Variants in PRKG1 observed in about 807,000 individuals in gnomAD.
PRKG1 encodes the protein cGMP-dependent protein kinase 1.
In PRKG1, 35 loss-of-function variants were observed where a neutral mutation model predicts 88.1. The observed-to-expected ratio is 0.40, with a 90% CI of 0.30 to 0.53. PRKG1 has a LOEUF of 0.53. Ranked by LOEUF, PRKG1 falls within the 20% of genes least tolerant of loss-of-function variation. The pLI, the probability that PRKG1 is intolerant of heterozygous loss-of-function variation, is 0.59. For synonymous variants in PRKG1, 303 were observed against 292.5 expected (o/e 1.04, Z -0.37); for missense variants, 540 against 839.8 (o/e 0.64, Z 4.41).
At chr10:51,872,726 T>A (rs564888419) in intron 4 of PRKG1, among the ~76,000 whole-genome samples, 1 of 152,296 alleles carries the variant, frequency 6.6e-6, no homozygotes, top group African/African-American at 2.4e-5. Context: ...CATTAATCAT[T>A]GTATTCCTCA....
chr10:51,144,645 A>T (rs982429115), intron 1 of PRKG1, among the ~76,000 whole-genome samples: 3 of 152,164 alleles, frequency 2.0e-5, no homozygotes, highest in Admixed American at 1.3e-4. Flanking sequence ...TTAAACTTTT[A>T]GTTATTTTCA....
intron 5 of PRKG1, among the ~76,000 whole-genome samples, chr10:51,956,425 C>T (rs1199871432): frequency 2.0e-5 from 3 of 151,562 alleles, no homozygotes; most frequent in Admixed American, 6.6e-5. Flanking sequence ...TGAATAGTAA[C>T]AATAAAACAA....
intron 3 of PRKG1, among the ~76,000 whole-genome samples, chr10:51,717,384 G>T (rs1841911598): frequency 6.6e-6 from 1 of 152,214 alleles, no homozygotes; most frequent in Non-Finnish European, 1.5e-5. Flanking sequence ...AAAGCTAGGG[G>T]ATGCAGAGCC....
chr10:51,608,492 TC>T (rs1414702956), intron 3 of PRKG1, among the ~76,000 whole-genome samples: 3 of 152,220 alleles, frequency 2.0e-5, no homozygotes, highest in Non-Finnish European at 4.4e-5. Context: ...TGTCAGCTGT[TC>T]TGCTGGAATT....
At chr10:51,869,470 A>C (rs139742937) in intron 4 of PRKG1, among the ~76,000 whole-genome samples, 155 of 152,222 alleles carry the variant, frequency 1.0e-3, no homozygotes, top group Admixed American at 2.7e-3. Flanking sequence ...AACTTCCATA[A>C]GGGAAAATGG....
At chr10:51,290,254 A>G (rs922822920) in intron 2 of PRKG1, among the ~76,000 whole-genome samples, 1 of 152,122 alleles carries the variant, frequency 6.6e-6, no homozygotes, top group Admixed American at 6.6e-5. Context: ...AACAAACAAA[A>G]AAAAAGACGA....
intron 3 of PRKG1, among the ~76,000 whole-genome samples, chr10:51,548,857 T>C (rs1390764614): frequency 1.3e-5 from 2 of 152,082 alleles, no homozygotes; most frequent in Non-Finnish European, 2.9e-5. Context: ...CTTAGTTAGA[T>C]CTTGTATGAA....
rs537206259 is a variant in PRKG1, at chr10:51,228,692, A to G, written c.478+75362A>G. 2.0e-5 allele frequency among the ~76,000 whole-genome samples: 3 copies of G among 152,336 alleles called. No individual in the cohort carries two copies. The East Asian group carries it at 5.8e-4, about 29-fold the overall frequency. On this transcript the variant is annotated intron_variant, in intron 2 of 17. Coordinates refer to ENST00000373980, the MANE Select transcript of PRKG1 (RefSeq NM_006258.4). Reference sequence around the variant, plus strand: ...TAGAAAAGTTGCTGCTTTCAATTGCATGTACGATGTACATTTAATATACTG... The same window carrying G: ...TAGAAAAGTTGCTGCTTTCAATTGCGTGTACGATGTACATTTAATATACTG...
At chr10:52,032,346 T>A (rs974469834) in intron 5 of PRKG1, among the ~76,000 whole-genome samples, 3 of 152,210 alleles carry the variant, frequency 2.0e-5, no homozygotes, top group Non-Finnish European at 4.4e-5. Flanking sequence ...AAAGTTTACC[T>A]GCTGGGTGCT....
chr10:52,105,158 G>C (rs1292439174), intron 7 of PRKG1, among the ~76,000 whole-genome samples: 2 of 151,452 alleles, frequency 1.3e-5, no homozygotes, highest in African/African-American at 2.4e-5. Flanking sequence ...GTAGATGGTT[G>C]CTTTATTGTT....
intron 1 of PRKG1, among the ~76,000 whole-genome samples, chr10:51,138,606 AG>A (rs1395973933): frequency 6.9e-6 from 1 of 145,756 alleles, no homozygotes; most frequent in East Asian, 2.1e-4. Flanking sequence ...ATTTTGATTT[AG>A]TTCAGGTTGA....
In PRKG1 at chr10:51,739,722, C is replaced by A. The variant is rs7895346; in HGVS notation, c.593-64863C>A. Among the ~76,000 whole-genome samples, 905 of 152,160 alleles carry A rather than the reference C, an allele frequency of 5.9e-3. 11 individuals are homozygous for A. The highest frequency in any genetic ancestry group is 0.021 in the African/African-American group (852 of 41,522). ...GCGTGGTGGCTCATGGCTGTAATCA[C>A]AGCACTTTGGGAGTCCAAGGTGGGT... On this transcript the variant is annotated intron_variant, in intron 3 of 17. Coordinates refer to ENST00000373980, the MANE Select transcript of PRKG1 (RefSeq NM_006258.4).
chr10:51,574,537 T>A (rs1485290527), intron 3 of PRKG1, among the ~76,000 whole-genome samples: 1 of 151,988 alleles, frequency 6.6e-6, no homozygotes, highest in Non-Finnish European at 1.5e-5. Context: ...CTCACTCTGA[T>A]GTGTTAATAT....
At chr10:51,523,131 GC>G (rs1185235585) in intron 3 of PRKG1, among the ~76,000 whole-genome samples, 1 of 152,048 alleles carries the variant, frequency 6.6e-6, no homozygotes, top group African/African-American at 2.4e-5. Flanking sequence ...CATGGCAGTT[GC>G]TTAGATGTCT....
At chr10:51,799,515 C>T (rs1373504997) in intron 3 of PRKG1, among the ~76,000 whole-genome samples, 2 of 151,504 alleles carry the variant, frequency 1.3e-5, no homozygotes, top group Non-Finnish European at 2.9e-5. Flanking sequence ...TCTAGCAATC[C>T]CCGTGGCATA....
intron 2 of PRKG1, among the ~76,000 whole-genome samples, chr10:51,384,610 G>A (rs186141746): frequency 6.6e-6 from 1 of 152,178 alleles, no homozygotes; most frequent in East Asian, 1.9e-4. Flanking sequence ...CTTGCTCCCT[G>A]TCACCCAGCT....
At position 51,690,980 on chromosome 10, in the gene PRKG1, A is replaced by G. The variant is rs181074112; in HGVS notation, c.593-113605A>G. On this transcript the variant is annotated intron_variant, in intron 3 of 17. Coordinates refer to ENST00000373980, the MANE Select transcript of PRKG1 (RefSeq NM_006258.4). Reference sequence around the variant, plus strand: ...TTACGTTCCATTATGTATACTATCCATATCTTCATTCTAGAGCTGTTAACA... The same window carrying G: ...TTACGTTCCATTATGTATACTATCCGTATCTTCATTCTAGAGCTGTTAACA... Among the ~76,000 whole-genome samples, 11 of 149,628 alleles carry G rather than the reference A, an allele frequency of 7.4e-5. No individual in the cohort carries two copies. The East Asian group carries it at 9.7e-4, about 13-fold the overall frequency.
chr10:51,375,002 GT>G (rs1235751574), intron 2 of PRKG1, among the ~76,000 whole-genome samples: 1 of 152,140 alleles, frequency 6.6e-6, no homozygotes, highest in Non-Finnish European at 1.5e-5. Flanking sequence ...AGTCAGTAGA[GT>G]CTGCCAGCAA....
chr10:52,106,267 T>C (rs1050403299), intron 7 of PRKG1, among the ~76,000 whole-genome samples: 11 of 152,234 alleles, frequency 7.2e-5, no homozygotes, highest in Non-Finnish European at 1.5e-4. Context: ...AAAAACTATT[T>C]GGCATGACTT....
Sources: allele counts gnomAD v4.1 joint callset (sites outside exome capture counted in the v4.1 genomes callset), GRCh38; gene constraint gnomAD v4.1.1; transcripts MANE v1.5; gene names NCBI Gene and HGNC (gene_info 2026-07-23, HGNC 2026-07-21).